The following XK variants were observed in gnomAD, a reference collection of about 807,000 sequenced individuals.
XK encodes X-linked Kx blood group antigen, Kell and VPS13A binding protein.
XK carries 2 observed loss-of-function variants against 14.0 expected under a neutral mutation model. The ratio of observed to expected loss-of-function variants is 0.14; its 90% confidence interval spans 0.06 to 0.45. XK has a LOEUF of 0.45. Among genes scored for constraint, XK ranks in the 20% least tolerant of loss-of-function variants. The pLI is 0.98. For missense variants in XK, 235 were observed against 341.5 expected, an observed-to-expected ratio of 0.69 and a Z score of 2.46; for synonymous variants, 149 against 147.5, an observed-to-expected ratio of 1.01 and a Z score of -0.08.
chrX:37,691,674 A>G (rs1343801587), intron 1 of XK, among the ~76,000 whole-genome samples: 2 of 112,351 alleles, frequency 1.8e-5, no homozygotes, highest in Admixed American at 1.9e-4. Flanking sequence ...ATGTGTGGGT[A>G]TGTGTGTGTA....
intron 2 of XK, among the ~76,000 whole-genome samples, chrX:37,703,569 A>G (rs1206948010): frequency 8.9e-6 from 1 of 112,051 alleles, no homozygotes; most frequent in Non-Finnish European, 1.9e-5. Context: ...AAATAGTTCT[A>G]TGGAAAATGG....
chrX:37,724,035 C>A lies in XK; in HGVS notation c.509-3601C>A, dbSNP rs1040017951. Among the ~76,000 whole-genome samples, 3 of 110,893 alleles carry A rather than the reference C, an allele frequency of 2.7e-5. No homozygotes were observed. The Admixed American group carries it at 2.9e-4, about 11-fold the overall frequency. ...TTTGATTAGTAGATTCCAGTCTTTC[C>A]AGTGAATGACATCATTAATTAAACT... On this transcript the variant is annotated intron_variant, in intron 2 of 2. Coordinates refer to ENST00000378616, the MANE Select transcript of XK (RefSeq NM_021083.4).
chrX:37,701,847 A>T (rs1193689820), intron 2 of XK, among the ~76,000 whole-genome samples: 7 of 110,734 alleles, frequency 6.3e-5, no homozygotes, highest in Non-Finnish European at 1.3e-4. Context: ...GAGAGACAGG[A>T]GAGTGCCCAG....
In XK at chrX:37,728,198, T is replaced by C. The variant is rs782247291; in HGVS notation, c.1071T>C (p.Ile357=). The C allele has an allele frequency of 8.3e-7, 1 of 1,211,414 alleles. No homozygotes were observed. The highest frequency in any genetic ancestry group is 1.1e-6 in the Non-Finnish European group (1 of 895,343). The change falls in exon 3 of 3, where the codon ATT becomes ATC. Residue 357 remains isoleucine, a synonymous_variant. Transcript: ENST00000378616. ...CAPLLVLQLL[I]GYCTAILFML... The stretch of plus-strand genomic sequence containing the variant: ...CTCTGTTGGTCCTGCAGCTGCTCAT[T>C]GGGTACTGCACAGCCATTCTCTTCA...
chrX:37,724,338 C>T (rs1482907083), intron 2 of XK, among the ~76,000 whole-genome samples: 2 of 111,244 alleles, frequency 1.8e-5, no homozygotes, highest in Non-Finnish European at 3.8e-5. Context: ...GGCAAAAGAA[C>T]AGACAAATAG....
intron 2 of XK, among the ~76,000 whole-genome samples, chrX:37,709,385 TA>T (rs370312616): frequency 9.5e-4 from 107 of 112,278 alleles, no homozygotes; most frequent in African/African-American, 3.3e-3. Context: ...TCAAGTTGCT[TA>T]AAAATAGATT....
chrX:37,724,074 C>A (rs1366646292), intron 2 of XK, among the ~76,000 whole-genome samples: 2 of 111,411 alleles, frequency 1.8e-5, no homozygotes, highest in African/African-American at 6.5e-5. Context: ...TGCCAAAAGA[C>A]TATGAGAAAA....
chrX:37,692,140 A>G (rs1396034633), intron 1 of XK, among the ~76,000 whole-genome samples: 4 of 112,005 alleles, frequency 3.6e-5, no homozygotes, highest in African/African-American at 1.3e-4. Flanking sequence ...GCTATTATAC[A>G]TAATGCTATG....
chrX:37,687,921 T>TA (rs1159045660), intron 1 of XK, among the ~76,000 whole-genome samples: 2 of 110,939 alleles, frequency 1.8e-5, no homozygotes, highest in Non-Finnish European at 3.8e-5. Context: ...TGGAGCCATT[T>TA]AGTGAGGAGA....
intron 2 of XK, among the ~76,000 whole-genome samples, chrX:37,724,534 C>T (rs1285126359): frequency 1.8e-5 from 2 of 111,403 alleles, no homozygotes; most frequent in Non-Finnish European, 3.8e-5. Context: ...GAATACAAAA[C>T]TATAAAATTC....
chrX:37,727,552 C>T (rs1368351003), intron 2 of XK, 84 bp from the exon 3 acceptor site: 15 of 813,372 alleles, frequency 1.8e-5, no homozygotes, highest in South Asian at 4.3e-5. Flanking sequence ...CCAAGGAATG[C>T]GGGTGGGGTG....
At chrX:37,706,034 T>A (rs1415096423) in intron 2 of XK, among the ~76,000 whole-genome samples, 3 of 111,388 alleles carry the variant, frequency 2.7e-5, no homozygotes, top group Non-Finnish European at 5.6e-5. Context: ...CAAAGCTAAT[T>A]TTATCTAATA....
At chrX:37,703,488 G>A (rs1167825626) in intron 2 of XK, among the ~76,000 whole-genome samples, 6 of 112,245 alleles carry the variant, frequency 5.3e-5, no homozygotes, top group Non-Finnish European at 9.4e-5. Flanking sequence ...AGTTTCCAGT[G>A]AGAAAAATGG....
rs1366914372 is a variant in XK at position 37,729,597 on chromosome X, G to A, written c.*1135G>A. On this transcript the variant is annotated 3_prime_UTR_variant, in exon 3 of 3. Transcript: ENST00000378616. ...TTCTATATAATTTTTCCTTTAATCG[G>A]AGACCCTATTTGTTTCATTAAAGAG... is the stretch of plus-strand genomic sequence containing the variant. The A allele has an allele frequency of 1.8e-5, 2 of 111,110 alleles. No homozygotes were observed. The highest frequency in any genetic ancestry group is 3.8e-5 in the Non-Finnish European group (2 of 52,951). The allele number at this position is 111,110 out of a possible 1,213,427, so 9.2% of individuals were successfully genotyped here.
At position 37,720,985 on chromosome X, in the gene XK, G is replaced by T. The variant is rs182376104; in HGVS notation, c.509-6651G>T. ...TGCTACGATAAACATATGAGTGCAG[G>T]TATCATTTTAATATGGTTTATTTTT... On this transcript the variant is annotated intron_variant, in intron 2 of 2. Transcript: ENST00000378616. Among the ~76,000 whole-genome samples, 5 of 111,063 alleles carry T rather than the reference G, an allele frequency of 4.5e-5. No individual in the cohort carries two copies. In the East Asian group the frequency reaches 1.4e-3, roughly 31 times the overall value.
chrX:37,689,478 C>G (rs782196430), intron 1 of XK, among the ~76,000 whole-genome samples: 2 of 112,154 alleles, frequency 1.8e-5, no homozygotes, highest in African/African-American at 6.5e-5. Flanking sequence ...CAGTTTAACT[C>G]TTCTTGCCTT....
At chrX:37,720,516 T>C (rs1161513111) in intron 2 of XK, among the ~76,000 whole-genome samples, 1 of 111,453 alleles carries the variant, frequency 9.0e-6, no homozygotes. Context: ...ATCCTTTTTT[T>C]CTTTTCCTTT....
At chrX:37,721,559 G>C (rs191759986) in intron 2 of XK, among the ~76,000 whole-genome samples, 123 of 111,437 alleles carry the variant, frequency 1.1e-3, no homozygotes, top group African/African-American at 3.9e-3. Flanking sequence ...AAGAAATGTT[G>C]ATGAAGATGT....
At chrX:37,692,377 G>T (rs1927219311) in intron 1 of XK, among the ~76,000 whole-genome samples, 1 of 111,285 alleles carries the variant, frequency 9.0e-6, no homozygotes, top group Non-Finnish European at 1.9e-5. Flanking sequence ...TCTCATATTT[G>T]AGAATAAAGA....
Sources: allele counts gnomAD v4.1 joint callset (sites outside exome capture counted in the v4.1 genomes callset), GRCh38; gene constraint gnomAD v4.1.1; transcripts MANE v1.5; gene names NCBI Gene and HGNC (gene_info 2026-07-23, HGNC 2026-07-21).